DNAAF9: variants seen among roughly 807,000 people sequenced by gnomAD.
DNAAF9 encodes the protein shulin.
Under a neutral mutation model 167.0 loss-of-function variants are expected in DNAAF9, and 90 were observed. That is an observed-to-expected ratio of 0.54 (90% CI 0.45 to 0.64). DNAAF9 has a LOEUF of 0.64. Among genes scored for constraint, DNAAF9 ranks in the 30% least tolerant of loss-of-function variants. The pLI, the probability that DNAAF9 is intolerant of heterozygous loss-of-function variation, is 0.00. For missense variants in DNAAF9, 1,315 were observed against 1,442.2 expected, an observed-to-expected ratio of 0.91 and a Z score of 1.43; for synonymous variants, 491 against 508.8, an observed-to-expected ratio of 0.96 and a Z score of 0.47.
chr20:3,379,351 C>T (rs895891221), intron 3 of DNAAF9, among the ~76,000 whole-genome samples: 1 of 149,356 alleles, frequency 6.7e-6, no homozygotes, highest in Non-Finnish European at 1.5e-5. Flanking sequence ...GTGGCTCATG[C>T]CTATAATCCC....
chr20:3,313,987 A>T (rs532967844), intron 20 of DNAAF9, among the ~76,000 whole-genome samples: 1 of 152,284 alleles, frequency 6.6e-6, no homozygotes, highest in East Asian at 1.9e-4. Context: ...CAAAGCTGCC[A>T]TGGGCTGGTG....
intron 7 of DNAAF9, among the ~76,000 whole-genome samples, chr20:3,350,148 G>GACACAC (rs1324124710): frequency 1.7e-3 from 115 of 68,978 alleles, no homozygotes; most frequent in African/African-American, 4.7e-3. Context: ...CAGACACACA[G>GACACAC]ACACACAGAC....
intron 29 of DNAAF9, among the ~76,000 whole-genome samples, chr20:3,272,442 G>A (rs1043498527): frequency 2.0e-5 from 3 of 151,958 alleles, no homozygotes; most frequent in African/African-American, 4.8e-5. Context: ...GCCCAGACTG[G>A]TCTCAAACTC....
intron 18 of DNAAF9, 35 bp downstream of exon 18, chr20:3,316,688 C>T (rs757227234): frequency 9.3e-6 from 14 of 1,501,814 alleles, no homozygotes; most frequent in East Asian, 2.3e-5. Flanking sequence ...TTTCTCCACA[C>T]GTAGGTCCAC....
intron 6 of DNAAF9, 86 bp downstream of exon 6, chr20:3,373,962 G>T: frequency 1.2e-6 from 1 of 809,438 alleles, no homozygotes; most frequent in Non-Finnish European, 2.1e-6. Flanking sequence ...GCTTTTTGGT[G>T]TTATAATAAT....
intron 1 of DNAAF9, among the ~76,000 whole-genome samples, chr20:3,403,602 A>C (rs1352288541): frequency 6.7e-6 from 1 of 150,314 alleles, no homozygotes; most frequent in Non-Finnish European, 1.5e-5. Flanking sequence ...ACTTCTCTTT[A>C]ATCATCAATT....
intron 6 of DNAAF9, among the ~76,000 whole-genome samples, chr20:3,364,268 C>G (rs1296471399): frequency 6.6e-6 from 1 of 152,072 alleles, no homozygotes; most frequent in Non-Finnish European, 1.5e-5. Flanking sequence ...TGTTTTCCTG[C>G]TTTTTTTAAG....
chr20:3,262,392 A>G (rs925325594), intron 31 of DNAAF9, among the ~76,000 whole-genome samples: 13 of 151,902 alleles, frequency 8.6e-5, no homozygotes, highest in Non-Finnish European at 1.6e-4. Flanking sequence ...CTGGGACTAC[A>G]GGTGCCTGCC....
intron 30 of DNAAF9, among the ~76,000 whole-genome samples, chr20:3,265,806 T>C (rs912628417): frequency 4.0e-5 from 6 of 151,024 alleles, no homozygotes; most frequent in African/African-American, 1.5e-4. Context: ...GCCTCCCAAG[T>C]AGCTGGGACT....
At chr20:3,352,547 A>G (rs2070345256) in intron 7 of DNAAF9, among the ~76,000 whole-genome samples, 2 of 152,180 alleles carry the variant, frequency 1.3e-5, no homozygotes, top group South Asian at 4.1e-4. Context: ...AGAACGTTTC[A>G]ATTCAGAAAA....
intron 7 of DNAAF9, among the ~76,000 whole-genome samples, chr20:3,351,834 TTTTATTTATTTA>T (rs3082553): frequency 6.8e-6 from 1 of 146,120 alleles, no homozygotes; most frequent in Non-Finnish European, 1.5e-5. Flanking sequence ...GTTTGTGTTA[TTTTATTTATTTA>T]TTTATTTATT....
At chr20:3,373,598 T>C (rs761865095) in intron 6 of DNAAF9, among the ~76,000 whole-genome samples, 1 of 152,244 alleles carries the variant, frequency 6.6e-6, no homozygotes, top group Non-Finnish European at 1.5e-5. Flanking sequence ...TCATTGATCT[T>C]GAATAGTTCT....
chr20:3,360,131 T>G (rs1360019234), intron 6 of DNAAF9: 1 of 152,232 alleles, frequency 6.6e-6, no homozygotes, highest in Non-Finnish European at 1.5e-5. Flanking sequence ...TTGTGAAGCA[T>G]TCCGCATTTT....
In DNAAF9 at chr20:3,260,030, T is replaced by A; in HGVS notation, c.2874-2A>T. On this transcript the variant is annotated splice_acceptor_variant, in intron 31 of 36. Coordinates refer to ENST00000252032, the MANE Select transcript of DNAAF9 (RefSeq NM_001009984.3). LOFTEE classifies it high-confidence loss of function. ...CCAGCATTCAATTTACCTTCATACC[T>A]TAAAAGGTTTAAAAAATTTTAAGTA... 6.4e-7 allele frequency: 1 copy of A among 1,570,508 alleles called. No individual in the cohort carries two copies. The highest frequency in any genetic ancestry group is 8.8e-7 in the Non-Finnish European group (1 of 1,140,382).
Position 3,255,231 on chromosome 20 carries a change from G to C in DNAAF9, c.3315C>G (p.Ile1105Met), listed in dbSNP as rs1358276584. 2 of 1,550,000 alleles carry C rather than the reference G, an allele frequency of 1.3e-6. No individual in the cohort carries two copies. Among genetic ancestry groups the C allele is most frequent in the African/African-American group, 1.4e-5 (1 of 72,994 alleles). The part of the protein sequence containing the change: ...KTRGMLTQQE[I>M]RSIHVKRHLE... Reference sequence around the variant, plus strand: ...GCAAGGCACTCACGTGGATGCTCCTGATCTCCTGTTGCGTCAGCATCCCCC... The same window carrying C: ...GCAAGGCACTCACGTGGATGCTCCTCATCTCCTGTTGCGTCAGCATCCCCC... Residue 1105 changes from isoleucine to methionine, a missense_variant, in exon 35 of 37, where the codon ATC becomes ATG. Transcript: ENST00000252032.
chr20:3,340,433 TCCCC>T, intron 10 of DNAAF9, 67 bp downstream of exon 10: 1 of 221,214 alleles, frequency 4.5e-6, no homozygotes, highest in Non-Finnish European at 9.5e-6. Flanking sequence ...TTTGTCTAGC[TCCCC>T]CCACCCACCC....
chr20:3,363,170 G>A (rs1169989579), intron 6 of DNAAF9, among the ~76,000 whole-genome samples: 2 of 151,550 alleles, frequency 1.3e-5, no homozygotes, highest in Non-Finnish European at 2.9e-5. Context: ...CGGAGGTTAC[G>A]GTGAGCCAAG....
At chr20:3,346,527 GA>G (rs953276320) in intron 8 of DNAAF9, among the ~76,000 whole-genome samples, 21 of 143,178 alleles carry the variant, frequency 1.5e-4, no homozygotes, top group South Asian at 1.3e-3. Context: ...AGAAAACAAA[GA>G]AAAAAAAAAG....
intron 7 of DNAAF9, among the ~76,000 whole-genome samples, chr20:3,348,845 G>C (rs942302751): frequency 2.6e-5 from 4 of 152,066 alleles, no homozygotes; most frequent in African/African-American, 4.8e-5. Flanking sequence ...CTGATATGTG[G>C]TCCAGTCATA....
Sources: gnomAD v4.1 joint callset for allele counts (sites outside exome capture counted in the v4.1 genomes callset) on GRCh38, gnomAD v4.1.1 for gene constraint, MANE v1.5 for transcripts, NCBI Gene and HGNC (gene_info 2026-07-23, HGNC 2026-07-21) for gene names.